Variants in LRMDA observed in about 807,000 individuals in gnomAD.
LRMDA encodes the protein leucine-rich melanocyte differentiation-associated protein.
In LRMDA, 18 loss-of-function variants were observed where a neutral mutation model predicts 29.8. That is an observed-to-expected ratio of 0.60 (90% confidence interval 0.42 to 0.90). The LOEUF (loss-of-function observed/expected upper bound fraction) is 0.90, where lower values mean the gene tolerates loss of function less well. Among genes scored for constraint, LRMDA ranks in the 40% least tolerant of loss-of-function variants. The pLI, the probability that LRMDA is intolerant of heterozygous loss-of-function variation, is 0.00. For missense variants in LRMDA, 273 were observed against 273.9 expected (o/e 1.00, Z 0.02); for synonymous variants, 125 against 109.4 (o/e 1.14, Z -0.89).
chr10:75,789,381 A>C (rs972672993), intron 2 of LRMDA, among the ~76,000 whole-genome samples: 19 of 152,376 alleles, frequency 1.2e-4, no homozygotes, highest in African/African-American at 4.1e-4. Context: ...GAATGAAAAC[A>C]TGAAACTGGG....
At chr10:75,478,414 T>C (rs1844820509) in intron 2 of LRMDA, among the ~76,000 whole-genome samples, 2 of 152,194 alleles carry the variant, frequency 1.3e-5, no homozygotes, top group South Asian at 4.1e-4. Context: ...TCCAATCTTT[T>C]AACTTCTTTA....
At chr10:75,795,440 TGA>T (rs1843636796) in intron 2 of LRMDA, among the ~76,000 whole-genome samples, 1 of 151,960 alleles carries the variant, frequency 6.6e-6, no homozygotes, top group South Asian at 2.1e-4. Context: ...GAAAAAGAAT[TGA>T]GAGTCTGTGT....
intron 5 of LRMDA, among the ~76,000 whole-genome samples, chr10:76,222,017 G>A (rs1206793860): frequency 1.3e-5 from 2 of 152,096 alleles, no homozygotes; most frequent in Non-Finnish European, 2.9e-5. Flanking sequence ...AAACAATGGA[G>A]AAAGGATTCC....
rs115542561 is a variant in LRMDA at position 76,058,200 on chromosome 10, T to A, written c.399-466T>A. On this transcript the variant is annotated intron_variant, in intron 4 of 6. Transcript: ENST00000611255. ...CAAGGAAGCATTTCTCAGCTACATG[T>A]GTTCCTCACTTGTAACCCACAGTCA... 5.3e-4 allele frequency among the ~76,000 whole-genome samples: 81 copies of A among 152,364 alleles called. 1 individual carries two copies. Among genetic ancestry groups the A allele is most frequent in the African/African-American group, 1.9e-3 (79 of 41,590 alleles).
At chr10:76,339,702 A>G (rs1200290878) in intron 6 of LRMDA, among the ~76,000 whole-genome samples, 4 of 152,050 alleles carry the variant, frequency 2.6e-5, no homozygotes. Context: ...TGAGACAAAA[A>G]AAACCCCACA....
chr10:76,012,015 T>C (rs1490299142), intron 2 of LRMDA, among the ~76,000 whole-genome samples: 1 of 152,130 alleles, frequency 6.6e-6, no homozygotes, highest in East Asian at 1.9e-4. Flanking sequence ...CCAGGGCCTA[T>C]GTGAGAAGAC....
intron 2 of LRMDA, among the ~76,000 whole-genome samples, chr10:75,860,827 T>C (rs903214268): frequency 2.0e-5 from 3 of 152,344 alleles, no homozygotes; most frequent in South Asian, 4.1e-4. Flanking sequence ...CTGCCTGTTA[T>C]ACACTGGGGA....
chr10:75,838,489 G>A (rs186667115), intron 2 of LRMDA, among the ~76,000 whole-genome samples: 2 of 152,022 alleles, frequency 1.3e-5, no homozygotes, highest in East Asian at 1.9e-4. Flanking sequence ...TGCCAGCTTC[G>A]AACTCTTGGA....
chr10:75,792,052 G>T (rs553103289), intron 2 of LRMDA, among the ~76,000 whole-genome samples: 2 of 151,670 alleles, frequency 1.3e-5, no homozygotes, highest in South Asian at 2.1e-4. Flanking sequence ...GTAGAGATGG[G>T]GTTTCACTGT....
At chr10:76,426,800 T>C (rs1379759938) in intron 6 of LRMDA, among the ~76,000 whole-genome samples, 8 of 152,188 alleles carry the variant, frequency 5.3e-5, no homozygotes, top group East Asian at 1.9e-4. Context: ...GGAAGGGATC[T>C]AGTTTCAGCT....
At chr10:76,124,643 G>A (rs1461510352) in intron 5 of LRMDA, among the ~76,000 whole-genome samples, 1 of 152,244 alleles carries the variant, frequency 6.6e-6, no homozygotes, top group Non-Finnish European at 1.5e-5. Context: ...CCCTGTGGGT[G>A]TCCTGAATCC....
At chr10:75,596,663 A>G (rs2132088184) in intron 2 of LRMDA, among the ~76,000 whole-genome samples, 1 of 152,308 alleles carries the variant, frequency 6.6e-6, no homozygotes, top group Non-Finnish European at 1.5e-5. Flanking sequence ...ATCATCTTGA[A>G]CATTGATCAT....
chr10:76,350,175 A>AC (rs1452190421), intron 6 of LRMDA, among the ~76,000 whole-genome samples: 2 of 151,906 alleles, frequency 1.3e-5, no homozygotes, highest in Admixed American at 6.6e-5. Flanking sequence ...AAAACAAAAA[A>AC]AAAAATAAAT....
chr10:75,530,226 G>C (rs1845461134), intron 2 of LRMDA, among the ~76,000 whole-genome samples: 1 of 151,480 alleles, frequency 6.6e-6, no homozygotes, highest in Non-Finnish European at 1.5e-5. Context: ...TCTTTATATA[G>C]TTTATATTTC....
intron 5 of LRMDA, among the ~76,000 whole-genome samples, chr10:76,225,687 G>T (rs76673763): frequency 0.046 from 4,877 of 106,074 alleles, 263 homozygotes; most frequent in African/African-American, 0.18. Context: ...TCTGAGACTG[G>T]GTAATTTATT....
In LRMDA at chr10:75,493,896, C is replaced by CGTGT. The variant is rs10616462; in HGVS notation, c.131+55421_131+55424dup. 7.1e-4 allele frequency among the ~76,000 whole-genome samples: 106 copies of CGTGT among 148,410 alleles called. No homozygotes were observed. The Middle Eastern group carries it at 0.01, about 14-fold the overall frequency. On this transcript the variant is annotated intron_variant, in intron 2 of 6. Coordinates refer to ENST00000611255, the MANE Select transcript of LRMDA (RefSeq NM_001305581.2). Reference sequence around the variant, plus strand: ...CCGTGACTGACTTGTCTGAAATTTACGTGTGTGTGTGTGTGTGTGTGTAAA... The same window carrying CGTGT: ...CCGTGACTGACTTGTCTGAAATTTACGTGTGTGTGTGTGTGTGTGTGTGTGTAAA...
chr10:75,561,510 T>G (rs1840295183), intron 2 of LRMDA, among the ~76,000 whole-genome samples: 1 of 152,072 alleles, frequency 6.6e-6, no homozygotes, highest in Admixed American at 6.5e-5. Context: ...TTTTAAAGGG[T>G]TTTTTGAGTC....
At chr10:75,780,092 T>C (rs978159603) in intron 2 of LRMDA, among the ~76,000 whole-genome samples, 1 of 151,986 alleles carries the variant, frequency 6.6e-6, no homozygotes, top group African/African-American at 2.4e-5. Context: ...CCACCAGGAA[T>C]TGGAAGAGCC....
chr10:75,793,997 C>A (rs769918263), intron 2 of LRMDA, among the ~76,000 whole-genome samples: 11 of 152,242 alleles, frequency 7.2e-5, no homozygotes, highest in Non-Finnish European at 1.5e-4. Flanking sequence ...TATGTGCACA[C>A]ATGGGCATGG....
Sources: allele counts gnomAD v4.1 joint callset (sites outside exome capture counted in the v4.1 genomes callset), GRCh38; gene constraint gnomAD v4.1.1; transcripts MANE v1.5; gene names NCBI Gene and HGNC (gene_info 2026-07-23, HGNC 2026-07-21).